The following SLF1 variants were observed in gnomAD, a reference collection of about 807,000 sequenced individuals.
SLF1 encodes SMC5/6 complex localization factor 1, also known as SMC5-SMC6 complex localization factor protein 1.
SLF1 carries 105 observed loss-of-function variants against 123.0 expected under a neutral mutation model. The observed-to-expected ratio is 0.85, with a 90% CI of 0.73 to 1.00. The LOEUF is 1.00. Ranked by LOEUF, SLF1 falls within the 50% of genes least tolerant of loss-of-function variation. SLF1 has a pLI of 0.00. For missense variants in SLF1, 1,239 were observed against 1,223.0 expected (o/e 1.01, Z -0.20); for synonymous variants, 434 against 406.6 (o/e 1.07, Z -0.81).
chr5:94,640,185 T>A (rs922608520), intron 4 of SLF1, among the ~76,000 whole-genome samples: 3 of 152,208 alleles, frequency 2.0e-5, no homozygotes, highest in African/African-American at 7.2e-5. Context: ...ATAATGTAAG[T>A]GTGCTGGTAA....
intron 9 of SLF1, among the ~76,000 whole-genome samples, chr5:94,658,625 A>C (rs192382613): frequency 6.6e-6 from 1 of 152,124 alleles, no homozygotes; most frequent in African/African-American, 2.4e-5. Context: ...TGATAGTTTG[A>C]CTGTAATGTG....
At chr5:94,672,637 T>G (rs150940339) in intron 14 of SLF1, among the ~76,000 whole-genome samples, 3 of 152,266 alleles carry the variant, frequency 2.0e-5, no homozygotes, top group African/African-American at 7.2e-5. Flanking sequence ...GCATTTAAAT[T>G]TTTTGTGTTT....
chr5:94,622,284 C>T (rs1340756700), intron 1 of SLF1, among the ~76,000 whole-genome samples: 1 of 152,146 alleles, frequency 6.6e-6, no homozygotes, highest in Non-Finnish European at 1.5e-5. Context: ...GCATTCAGTG[C>T]TTGGTATATG....
chr5:94,625,005 T>C (rs1042112699), intron 1 of SLF1, among the ~76,000 whole-genome samples: 5 of 149,304 alleles, frequency 3.3e-5, no homozygotes, highest in Non-Finnish European at 5.9e-5. Flanking sequence ...GATAACACAG[T>C]GAAACCCCAT....
At chr5:94,638,653 C>G (rs1746089429) in intron 4 of SLF1, among the ~76,000 whole-genome samples, 2 of 152,186 alleles carry the variant, frequency 1.3e-5, no homozygotes, top group Admixed American at 1.3e-4. Context: ...CCTGGAGAAT[C>G]CTTTCTGTGT....
intron 9 of SLF1, among the ~76,000 whole-genome samples, chr5:94,661,530 TG>T (rs1295948949): frequency 1.3e-5 from 2 of 151,590 alleles, no homozygotes; most frequent in Admixed American, 6.5e-5. Context: ...CAGGGTTTTT[TG>T]TTTTTTTGTT....
intron 9 of SLF1, 35 bp downstream of exon 9, chr5:94,654,787 T>A: frequency 6.9e-7 from 1 of 1,454,348 alleles, no homozygotes; most frequent in Non-Finnish European, 9.1e-7. Context: ...TTGTATAATA[T>A]CGTGTCTTAC....
At chr5:94,664,429 G>A (rs961243281) in intron 11 of SLF1, among the ~76,000 whole-genome samples, 4 of 152,102 alleles carry the variant, frequency 2.6e-5, no homozygotes, top group Admixed American at 2.6e-4. Context: ...CAAGTAGCTG[G>A]GACTGTAGGC....
chr5:94,689,727 A>T (rs1449520694), intron 18 of SLF1, 121 bp downstream of exon 18: 1 of 832,594 alleles, frequency 1.2e-6, no homozygotes, highest in Non-Finnish European at 1.8e-6. Context: ...TAGGTCCAGG[A>T]AGTACCTTCT....
In SLF1 at chr5:94,678,920, A is replaced by G. The variant is rs761895383; in HGVS notation, c.1940A>G (p.Asp647Gly). The G allele has an allele frequency of 1.2e-6, 2 of 1,613,504 alleles. No individual in the cohort carries two copies. The highest frequency in any genetic ancestry group is 1.7e-6 in the Non-Finnish European group (2 of 1,179,768). Residue 647 changes from aspartate (D) to glycine (G), a missense_variant, in exon 15 of 21, where the codon GAT becomes GGT. Coordinates refer to ENST00000265140, the MANE Select transcript of SLF1 (RefSeq NM_032290.4). Reference sequence around the variant, plus strand: ...AGAAATGTGATGCGACACATGTCTGATGACTTAGGAAGTTATGTTTCTCTT... The same window carrying G: ...AGAAATGTGATGCGACACATGTCTGGTGACTTAGGAAGTTATGTTTCTCTT... The part of the protein sequence containing the change: ...MGRNVMRHMS[D>G]DLGSYVSLSC...
chr5:94,665,834 ATTTG>A (rs1478607554), intron 11 of SLF1, 23 bp from the exon 12 acceptor site: 29 of 1,511,176 alleles, frequency 1.9e-5, no homozygotes, highest in Non-Finnish European at 2.5e-5. Context: ...ATAGTGTTTT[ATTTG>A]TTTGTTTATT....
At chr5:94,628,759 T>C in intron 1 of SLF1, 52 bp from the exon 2 acceptor site, 1 of 1,208,940 alleles carries the variant, frequency 8.3e-7, no homozygotes, top group South Asian at 1.7e-5. Context: ...ATGTCAACCC[T>C]GTGAATAATA....
rs140553535 is a variant in SLF1 at position 94,625,867 on chromosome 5, T to G, written c.1-2944T>G. Among the ~76,000 whole-genome samples, 19 of 152,300 alleles carry G rather than the reference T, an allele frequency of 1.2e-4. No homozygotes were observed. The East Asian group carries it at 3.3e-3, about 26-fold the overall frequency. ...ATTATTATTTCTAACAACAGCATATTCTTCATAGTTTTTATGTATTGCTGG... is the reference window on the plus strand; with the variant it reads ...ATTATTATTTCTAACAACAGCATATGCTTCATAGTTTTTATGTATTGCTGG... On this transcript the variant is annotated intron_variant, in intron 1 of 20. Transcript: ENST00000265140.
At chr5:94,657,129 ATTG>A (rs1748497526) in intron 9 of SLF1, among the ~76,000 whole-genome samples, 1 of 150,974 alleles carries the variant, frequency 6.6e-6, no homozygotes, top group Non-Finnish European at 1.5e-5. Context: ...CTTGAGGTGC[ATTG>A]TTAAGTTGAT....
At chr5:94,669,646 T>G (rs905943331) in intron 12 of SLF1, among the ~76,000 whole-genome samples, 9 of 152,012 alleles carry the variant, frequency 5.9e-5, no homozygotes, top group Non-Finnish European at 4.4e-5. Flanking sequence ...GAAAGTTCAG[T>G]TGGAGAGGAC....
rs551540696 is a variant in SLF1, at chr5:94,635,775, A to G, written c.431+5032A>G. The stretch of plus-strand genomic sequence containing the variant: ...TTTGTATCCCCTGACAATTGTAGCT[A>G]TGGTTCTTTTGATAGATTTGTCTAT... On this transcript the variant is annotated intron_variant, in intron 4 of 20. Transcript: ENST00000265140. 6.6e-5 allele frequency among the ~76,000 whole-genome samples: 10 copies of G among 152,238 alleles called. No individual in the cohort carries two copies. In the South Asian group the frequency reaches 8.3e-4, roughly 13 times the overall value.
chr5:94,635,778 G>T (rs1202081999), intron 4 of SLF1, among the ~76,000 whole-genome samples: 1 of 151,892 alleles, frequency 6.6e-6, no homozygotes, highest in South Asian at 2.1e-4. Context: ...TGTAGCTATG[G>T]TTCTTTTGAT....
chr5:94,645,311 T>C (rs1319852065), intron 5 of SLF1, among the ~76,000 whole-genome samples: 1 of 152,206 alleles, frequency 6.6e-6, no homozygotes, highest in Non-Finnish European at 1.5e-5. Context: ...GTTAGCAGAG[T>C]GTAGACATAG....
chr5:94,656,287 A>T (rs574954619), intron 9 of SLF1, among the ~76,000 whole-genome samples: 2 of 152,126 alleles, frequency 1.3e-5, no homozygotes, highest in African/African-American at 4.8e-5. Context: ...GGGATAAATC[A>T]TAGTGTACAC....
Sources: gnomAD v4.1 joint callset for allele counts (sites outside exome capture counted in the v4.1 genomes callset) on GRCh38, gnomAD v4.1.1 for gene constraint, MANE v1.5 for transcripts, NCBI Gene and HGNC (gene_info 2026-07-23, HGNC 2026-07-21) for gene names.